Variants in FRMD4B observed in about 807,000 individuals in gnomAD.
FRMD4B encodes FERM domain-containing protein 4B.
A neutral mutation model predicts 141.5 loss-of-function variants in FRMD4B; 74 were observed. The ratio of observed to expected loss-of-function variants is 0.52; its 90% CI spans 0.43 to 0.63. The LOEUF (loss-of-function observed/expected upper bound fraction) is 0.63. FRMD4B is among the 30% of genes least tolerant of loss of function. FRMD4B has a pLI of 0.00. For synonymous variants in FRMD4B, 506 were observed against 467.9 expected (o/e 1.08, Z -1.05); for missense variants, 1,366 against 1,253.4 (o/e 1.09, Z -1.36).
chr3:69,244,838 G>T (rs1400389445), intron 7 of FRMD4B, among the ~76,000 whole-genome samples: 1 of 152,150 alleles, frequency 6.6e-6, no homozygotes, highest in African/African-American at 2.4e-5. Flanking sequence ...AGGTTGCAAT[G>T]AGCTGCACTC....
chr3:69,260,634 G>A (rs995692111), intron 5 of FRMD4B, among the ~76,000 whole-genome samples: 3 of 152,250 alleles, frequency 2.0e-5, no homozygotes. Context: ...GCTGAGGAGT[G>A]CAGGCGCGTG....
intron 7 of FRMD4B, among the ~76,000 whole-genome samples, chr3:69,225,090 C>T (rs981696201): frequency 1.3e-5 from 2 of 152,068 alleles, no homozygotes; most frequent in African/African-American, 2.4e-5. Context: ...ATAACATCAA[C>T]AATTTTTCGT....
At chr3:69,297,859 G>A (rs181504115) in intron 4 of FRMD4B, among the ~76,000 whole-genome samples, 1 of 152,276 alleles carries the variant, frequency 6.6e-6, no homozygotes, top group East Asian at 1.9e-4. Flanking sequence ...AAATTATGGT[G>A]CGTCTATACA....
intron 7 of FRMD4B, among the ~76,000 whole-genome samples, chr3:69,236,158 C>T (rs1575642157): frequency 6.6e-6 from 1 of 152,036 alleles, no homozygotes; most frequent in Non-Finnish European, 1.5e-5. Flanking sequence ...CAAACAAAAA[C>T]CATAGCCTAG....
chr3:69,192,950 T>G (rs1404742104), intron 17 of FRMD4B, among the ~76,000 whole-genome samples: 1 of 151,990 alleles, frequency 6.6e-6, no homozygotes, highest in Non-Finnish European at 1.5e-5. Context: ...CCCCTGTGGC[T>G]GGGACTACAG....
chr3:69,251,216 G>A (rs771943187), intron 5 of FRMD4B, among the ~76,000 whole-genome samples: 36 of 152,194 alleles, frequency 2.4e-4, no homozygotes, highest in Non-Finnish European at 4.9e-4. Flanking sequence ...AAAGGGCACA[G>A]TATTTAAGAA....
chr3:69,385,067 T>TA (rs111527962), intron 1 of FRMD4B, among the ~76,000 whole-genome samples: 8,142 of 140,776 alleles, frequency 0.058, 232 homozygotes, highest in African/African-American at 0.096. Context: ...AATTACTGTC[T>TA]AAAAAAAAAA....
In FRMD4B at chr3:69,308,562, C is replaced by T. The variant is rs114428475; in HGVS notation, c.323+2701G>A. On this transcript the variant is annotated intron_variant, in intron 3 of 22. Coordinates refer to ENST00000398540, the MANE Select transcript of FRMD4B (RefSeq NM_015123.3). ...ATGCAATCCTCCCACCTAAGCCTCC[C>T]GAGGAGCTGGGACTACAGGTGTGCA... Among the ~76,000 whole-genome samples the T allele has an allele frequency of 4.4e-3, 674 of 151,828 alleles. 3 individuals are homozygous for T. Among genetic ancestry groups the T allele is most frequent in the African/African-American group, 0.015 (622 of 41,368 alleles).
intron 1 of FRMD4B, among the ~76,000 whole-genome samples, chr3:69,485,515 G>A (rs1013025840): frequency 5.3e-5 from 8 of 152,202 alleles, no homozygotes; most frequent in Non-Finnish European, 1.0e-4. Context: ...AGCAAGGGGT[G>A]CCTGGGTTGC....
chr3:69,476,116 T>G (rs1389132920), intron 1 of FRMD4B, among the ~76,000 whole-genome samples: 3 of 151,002 alleles, frequency 2.0e-5, no homozygotes, highest in South Asian at 4.2e-4. Context: ...CTTTGTCAGA[T>G]GAGTAGGTTG....
chr3:69,205,077 A>AAAAAAAAAAAAG (rs1216411200), intron 11 of FRMD4B, among the ~76,000 whole-genome samples: 9 of 150,618 alleles, frequency 6.0e-5, no homozygotes, highest in African/African-American at 2.2e-4. Context: ...AAAAAAAAGA[A>AAAAAAAAAAAAG]AAAGAGAAAA....
chr3:69,462,674 A>C (rs1428241439), intron 1 of FRMD4B, among the ~76,000 whole-genome samples: 1 of 152,194 alleles, frequency 6.6e-6, no homozygotes, highest in Non-Finnish European at 1.5e-5. Context: ...TGCATCACCC[A>C]ATATCTGTGC....
intron 3 of FRMD4B, among the ~76,000 whole-genome samples, chr3:69,307,690 T>G (rs748083626): frequency 6.6e-6 from 1 of 152,136 alleles, no homozygotes. Context: ...AACCCCTTAC[T>G]TACGCACTGT....
intron 1 of FRMD4B, among the ~76,000 whole-genome samples, chr3:69,333,198 T>A (rs34756290): frequency 0.39 from 59,362 of 151,714 alleles, 13,020 homozygotes; most frequent in Admixed American, 0.49. Flanking sequence ...ATACACATTT[T>A]AAAAAAAATT....
chr3:69,416,754 A>G (rs1404427762), intron 2 of FRMD4B, among the ~76,000 whole-genome samples: 1 of 152,064 alleles, frequency 6.6e-6, no homozygotes, highest in Non-Finnish European at 1.5e-5. Context: ...CCCTGTGTCC[A>G]GGTGTTCTCA....
intron 1 of FRMD4B, among the ~76,000 whole-genome samples, chr3:69,525,102 T>C (rs1575600596): frequency 6.6e-6 from 1 of 152,192 alleles, no homozygotes; most frequent in African/African-American, 2.4e-5. Flanking sequence ...TCAGTAATCA[T>C]ATACTAGAAG....
chr3:69,267,113 G>A (rs978114787), intron 5 of FRMD4B, among the ~76,000 whole-genome samples: 5 of 152,214 alleles, frequency 3.3e-5, no homozygotes, highest in African/African-American at 1.2e-4. Context: ...AGATAGGACA[G>A]GGTGTAGGTT....
At chr3:69,348,616 C>T (rs1703029448) in intron 1 of FRMD4B, among the ~76,000 whole-genome samples, 1 of 152,186 alleles carries the variant, frequency 6.6e-6, no homozygotes, top group Non-Finnish European at 1.5e-5. Flanking sequence ...TCCAGCAGCA[C>T]ATCAAAGATC....
At chr3:69,528,509 C>T (rs556140006) in intron 1 of FRMD4B, among the ~76,000 whole-genome samples, 31 of 152,156 alleles carry the variant, frequency 2.0e-4, no homozygotes, top group African/African-American at 7.2e-4. Context: ...CGACTACAGG[C>T]CCATGCCACC....
Sources: gnomAD v4.1 joint callset for allele counts (sites outside exome capture counted in the v4.1 genomes callset) on GRCh38, gnomAD v4.1.1 for gene constraint, MANE v1.5 for transcripts, NCBI Gene and HGNC (gene_info 2026-07-23, HGNC 2026-07-21) for gene names.